Variants in STARD13 observed in about 807,000 individuals in gnomAD.
STARD13 encodes StAR related lipid transfer domain containing 13.
STARD13 carries 62 observed loss-of-function variants against 106.4 expected under a neutral mutation model. The ratio of observed to expected loss-of-function variants is 0.58; its 90% CI spans 0.48 to 0.72. The LOEUF is 0.72. Ranked by LOEUF, STARD13 falls within the 30% of genes least tolerant of loss-of-function variation. The pLI is 0.00. For synonymous variants in STARD13, 565 were observed against 553.0 expected, an observed-to-expected ratio of 1.02 and a Z score of -0.31; for missense variants, 1,387 against 1,424.0, an observed-to-expected ratio of 0.97 and a Z score of 0.42.
chr13:33,258,913 G>A (rs1445844629), intron 1 of STARD13, among the ~76,000 whole-genome samples: 1 of 152,212 alleles, frequency 6.6e-6, no homozygotes, highest in South Asian at 2.1e-4. Flanking sequence ...TTCTTCAAGT[G>A]TTGTGCCATA....
the STARD13 span, among the ~76,000 whole-genome samples, chr13:33,664,657 C>T: frequency 3.3e-5 from 5 of 152,280 alleles, no homozygotes; most frequent in African/African-American, 9.6e-5. Flanking sequence ...GATGGAGTCT[C>T]GGTCTGTTAT....
the STARD13 span, among the ~76,000 whole-genome samples, chr13:33,362,367 A>G: frequency 1.3e-5 from 2 of 152,186 alleles, no homozygotes; most frequent in African/African-American, 4.8e-5. Flanking sequence ...CCCGTGATCC[A>G]TTCACCTCCC....
the STARD13 span, among the ~76,000 whole-genome samples, chr13:33,380,624 G>A: frequency 6.6e-6 from 1 of 152,006 alleles, no homozygotes; most frequent in African/African-American, 2.4e-5. Context: ...AGGCAGGAGA[G>A]GATCTGGTAA....
At chr13:33,210,713 T>C (rs147048537) in intron 1 of STARD13, among the ~76,000 whole-genome samples, 1 of 152,370 alleles carries the variant, frequency 6.6e-6, no homozygotes, top group African/African-American at 2.4e-5. Context: ...ATTGTATTAA[T>C]GCCTGCAATT....
chr13:33,448,977 G>A, the STARD13 span, among the ~76,000 whole-genome samples: 1 of 151,360 alleles, frequency 6.6e-6, no homozygotes, highest in East Asian at 1.9e-4. Flanking sequence ...TATATATTTT[G>A]GATATTAACG....
rs761445687 is a variant in STARD13, at chr13:33,110,782, G to A, written c.2733C>T (p.Asn911=). ...CTTTCTGGAGGCCCTGGATGAGATGGTTCAGGTAAGTGTGGAAAGTTGCCC... is the reference window on the plus strand; with the variant it reads ...CTTTCTGGAGGCCCTGGATGAGATGATTCAGGTAAGTGTGGAAAGTTGCCC... ...ESGATFHTYL[N]HLIQGLQKEA... is the part of the protein sequence containing the mutation. Residue 911 remains asparagine (N), a synonymous_variant, in exon 11 of 14, where the codon AAC becomes AAT. Transcript: ENST00000336934. 6.2e-7 allele frequency: 1 copy of A among 1,614,192 alleles called. No homozygotes were observed. Among genetic ancestry groups the A allele is most frequent in the Non-Finnish European group, 8.5e-7 (1 of 1,180,026 alleles).
chr13:33,549,385 A>G, the STARD13 span, among the ~76,000 whole-genome samples: 1 of 152,104 alleles, frequency 6.6e-6, no homozygotes, highest in African/African-American at 2.4e-5. Flanking sequence ...TGATATCATC[A>G]TCACCTGGAA....
At chr13:33,535,926 G>A in the STARD13 span, among the ~76,000 whole-genome samples, 1 of 152,222 alleles carries the variant, frequency 6.6e-6, no homozygotes, top group Non-Finnish European at 1.5e-5. Context: ...TGGAATGGAA[G>A]AGGACTGAGT....
the STARD13 span, among the ~76,000 whole-genome samples, chr13:33,665,550 C>T: frequency 6.6e-6 from 1 of 152,294 alleles, no homozygotes; most frequent in Non-Finnish European, 1.5e-5. Flanking sequence ...CCTTCTCCTG[C>T]CAGTTGCTTT....
intron 1 of STARD13, among the ~76,000 whole-genome samples, chr13:33,325,945 A>G (rs1489246171): frequency 7.0e-6 from 1 of 142,260 alleles, no homozygotes; most frequent in Non-Finnish European, 1.5e-5. Context: ...AAATAGCGCC[A>G]CTGCACTCCA....
the STARD13 span, among the ~76,000 whole-genome samples, chr13:33,601,183 AT>A: frequency 6.8e-6 from 1 of 147,944 alleles, no homozygotes; most frequent in Non-Finnish European, 1.5e-5. Context: ...AAATTCAACC[AT>A]TTTTTTTCCA....
At chr13:33,536,019 G>T in the STARD13 span, among the ~76,000 whole-genome samples, 8 of 152,142 alleles carry the variant, frequency 5.3e-5, no homozygotes, top group African/African-American at 1.7e-4. Context: ...TCAGTGATTT[G>T]GGGGACATGA....
chr13:33,519,361 AT>A, the STARD13 span, among the ~76,000 whole-genome samples: 4 of 52,920 alleles, frequency 7.6e-5, no homozygotes, highest in African/African-American at 2.2e-4. Flanking sequence ...TTTCCTTTTC[AT>A]TTTTTTTTAA....
At chr13:33,519,029 C>A in the STARD13 span, among the ~76,000 whole-genome samples, 3 of 152,132 alleles carry the variant, frequency 2.0e-5, no homozygotes, top group African/African-American at 7.2e-5. Context: ...AAGAACCCTG[C>A]TAAGTCAGCT....
At chr13:33,301,052 A>T (rs1334727296) in intron 1 of STARD13, among the ~76,000 whole-genome samples, 1 of 152,196 alleles carries the variant, frequency 6.6e-6, no homozygotes, top group Admixed American at 6.5e-5. Context: ...TCATACTTGC[A>T]TTGTGATATT....
At chr13:33,161,784 A>C (rs1379457951) in intron 3 of STARD13, among the ~76,000 whole-genome samples, 1 of 152,244 alleles carries the variant, frequency 6.6e-6, no homozygotes, top group African/African-American at 2.4e-5. Flanking sequence ...AAGAGGTTTA[A>C]TTGGACGTAG....
the STARD13 span, among the ~76,000 whole-genome samples, chr13:33,588,763 A>C: frequency 6.6e-6 from 1 of 152,218 alleles, no homozygotes; most frequent in African/African-American, 2.4e-5. Flanking sequence ...TTCCTCTTAG[A>C]GTTAAATGTA....
chr13:33,575,241 G>A, the STARD13 span, among the ~76,000 whole-genome samples: 6 of 151,830 alleles, frequency 4.0e-5, no homozygotes, highest in South Asian at 4.2e-4. Context: ...AAATATATTC[G>A]TATATGCCTC....
At chr13:33,616,608 T>A in the STARD13 span, among the ~76,000 whole-genome samples, 4 of 152,224 alleles carry the variant, frequency 2.6e-5, no homozygotes, top group Non-Finnish European at 5.9e-5. Flanking sequence ...GCAAACACTG[T>A]CTTAGGCACT....
Sources: gnomAD v4.1 joint callset for allele counts (sites outside exome capture counted in the v4.1 genomes callset) on GRCh38, gnomAD v4.1.1 for gene constraint, MANE v1.5 for transcripts, NCBI Gene and HGNC (gene_info 2026-07-23, HGNC 2026-07-21) for gene names.